Variants in DMD observed in about 807,000 individuals in gnomAD.
DMD encodes the protein dystrophin.
In DMD, 63 loss-of-function variants were observed where a neutral mutation model predicts 330.1. The ratio of observed to expected loss-of-function variants is 0.19; its 90% CI spans 0.16 to 0.24. The LOEUF (loss-of-function observed/expected upper bound fraction) is 0.24, where lower values mean the gene tolerates loss of function less well. Ranked by LOEUF, DMD falls within the 10% of genes least tolerant of loss-of-function variation. The probability of loss-of-function intolerance (pLI) is 1.00; values close to 1 mark genes in which losing one functional copy is unlikely to be tolerated. For missense variants in DMD, 3,344 were observed against 2,684.1 expected (o/e 1.25, Z -5.43); for synonymous variants, 1,223 against 959.8 (o/e 1.27, Z -5.07).
At chrX:31,260,119 T>C (rs921406158) in intron 63 of DMD, among the ~76,000 whole-genome samples, 1 of 111,626 alleles carries the variant, frequency 9.0e-6, no homozygotes, top group African/African-American at 3.3e-5. Context: ...TGCATTCCTG[T>C]TGTCCCAGCT....
chrX:31,430,769 G>A (rs2063996239), intron 60 of DMD, among the ~76,000 whole-genome samples: 1 of 100,191 alleles, frequency 1.0e-5, no homozygotes, highest in African/African-American at 3.7e-5. Flanking sequence ...TGGGGGTCCT[G>A]ACTTGTTTGA....
intron 51 of DMD, among the ~76,000 whole-genome samples, chrX:31,750,413 A>T (rs1478683316): frequency 9.1e-6 from 1 of 109,600 alleles, no homozygotes; most frequent in Admixed American, 9.8e-5. Flanking sequence ...TCCTTTCCCC[A>T]TTGCTTGTTT....
intron 41 of DMD, among the ~76,000 whole-genome samples, chrX:32,329,985 C>A (rs1023814008): frequency 1.3e-4 from 15 of 112,044 alleles, no homozygotes; most frequent in Admixed American, 1.1e-3. Flanking sequence ...GTTTTACATG[C>A]GTTAAAATAG....
rs780982818 is a variant in DMD at position 32,365,118 on chromosome X, C to A, written c.4927G>T (p.Gly1643Cys). Residue 1643 changes from glycine (G) to cysteine (C), a missense_variant, in exon 35 of 79, where the codon GGC becomes TGC. Physicochemically the swap from Gly to Cys is radical, Grantham distance 159 (BLOSUM62 -3). Transcript: ENST00000357033. ...EVGEALKTVL[G>C]KKETLVEDKL... ...TCTTCCACCAACGTCTCCTTCTTGC[C>A]CAAAACTGTTTTCAAGGCCTCTCCT... is the stretch of plus-strand genomic sequence containing the variant. The A allele has an allele frequency of 2.5e-6, 3 of 1,210,859 alleles. No homozygotes were observed. The highest frequency in any genetic ancestry group is 3.5e-5 in the South Asian group (2 of 56,966).
intron 1 of DMD, among the ~76,000 whole-genome samples, chrX:33,064,799 G>A (rs1461191023): frequency 9.0e-6 from 1 of 111,171 alleles, no homozygotes; most frequent in Non-Finnish European, 1.9e-5. Flanking sequence ...TGAGGTGGGA[G>A]AATTGCTTGA....
At chrX:31,268,756 A>G (rs181297582) in intron 62 of DMD, among the ~76,000 whole-genome samples, 55 of 112,502 alleles carry the variant, frequency 4.9e-4, no homozygotes, top group African/African-American at 1.7e-3. Flanking sequence ...GAAGCCTCAG[A>G]GCATGGACAT....
At chrX:31,475,186 T>A (rs1278448391) in intron 59 of DMD, among the ~76,000 whole-genome samples, 1 of 111,514 alleles carries the variant, frequency 9.0e-6, no homozygotes, top group Non-Finnish European at 1.9e-5. Context: ...GTTATAAATA[T>A]AATTTTTCGA....
At chrX:31,539,536 A>G (rs2073662876) in intron 55 of DMD, among the ~76,000 whole-genome samples, 1 of 112,222 alleles carries the variant, frequency 8.9e-6, no homozygotes, top group Non-Finnish European at 1.9e-5. Flanking sequence ...GCATCATCAC[A>G]GCAAATAGTC....
At chrX:33,067,029 T>C (rs1330404091) in intron 1 of DMD, among the ~76,000 whole-genome samples, 1 of 112,199 alleles carries the variant, frequency 8.9e-6, no homozygotes, top group African/African-American at 3.2e-5. Flanking sequence ...CATAAGGACC[T>C]TTGTCATCCT....
At chrX:31,338,454 A>T (rs1422056612) in intron 61 of DMD, among the ~76,000 whole-genome samples, 8 of 110,175 alleles carry the variant, frequency 7.3e-5, no homozygotes, top group Non-Finnish European at 1.5e-4. Flanking sequence ...TGACAGAACA[A>T]GACTCCATCT....
At chrX:32,752,484 T>C (rs1158878635) in intron 7 of DMD, among the ~76,000 whole-genome samples, 1 of 108,206 alleles carries the variant, frequency 9.2e-6, no homozygotes, top group Non-Finnish European at 1.9e-5. Flanking sequence ...CCCCACTGTA[T>C]CTAGGAAGTA....
intron 44 of DMD, among the ~76,000 whole-genome samples, chrX:32,076,383 C>CTTTTT (rs770728145): frequency 1.1e-5 from 1 of 90,896 alleles, no homozygotes; most frequent in African/African-American, 4.0e-5. Flanking sequence ...TTCTTTCTTT[C>CTTTTT]TTTTTTTTTT....
At chrX:33,274,586 T>A (rs1281583401) in intron 1 of DMD, among the ~76,000 whole-genome samples, 1 of 112,135 alleles carries the variant, frequency 8.9e-6, no homozygotes, top group Non-Finnish European at 1.9e-5. Context: ...CATGTACAAA[T>A]TCATTAGCTA....
chrX:31,995,050 CT>C, intron 44 of DMD, among the ~76,000 whole-genome samples: 1 of 112,089 alleles, frequency 8.9e-6, no homozygotes, highest in Middle Eastern at 4.6e-3. Flanking sequence ...GAAGGCTCCC[CT>C]GATTATCCTT....
intron 43 of DMD, among the ~76,000 whole-genome samples, chrX:32,267,949 G>A (rs779387154): frequency 8.9e-6 from 1 of 111,916 alleles, no homozygotes; most frequent in Admixed American, 9.5e-5. Flanking sequence ...TGAGTACATA[G>A]GAATATCAAA....
intron 7 of DMD, among the ~76,000 whole-genome samples, chrX:32,713,864 G>A (rs999918636): frequency 5.4e-5 from 6 of 111,579 alleles, no homozygotes; most frequent in African/African-American, 2.0e-4. Context: ...AGTCAAAATT[G>A]CATTTAATAC....
intron 51 of DMD, among the ~76,000 whole-genome samples, chrX:31,759,142 A>G (rs1179336043): frequency 9.0e-6 from 1 of 111,223 alleles, no homozygotes; most frequent in Non-Finnish European, 1.9e-5. Flanking sequence ...AAACCAGAAA[A>G]AAATATTCAC....
chrX:32,716,180 G>A (rs181854425), intron 7 of DMD, among the ~76,000 whole-genome samples: 1 of 111,359 alleles, frequency 9.0e-6, no homozygotes, highest in Admixed American at 9.6e-5. Flanking sequence ...ATATTGATAT[G>A]ATTTGGATTT....
chrX:33,051,907 C>T (rs928644651), intron 1 of DMD, among the ~76,000 whole-genome samples: 1 of 110,527 alleles, frequency 9.0e-6, no homozygotes, highest in African/African-American at 3.3e-5. Context: ...CCTCGGCCTC[C>T]CAAAGTGCTG....
Sources: gnomAD v4.1 joint callset for allele counts (sites outside exome capture counted in the v4.1 genomes callset) on GRCh38, gnomAD v4.1.1 for gene constraint, MANE v1.5 for transcripts, NCBI Gene and HGNC (gene_info 2026-07-23, HGNC 2026-07-21) for gene names.